Variants in LIFR observed in about 807,000 individuals in gnomAD.
The protein encoded by LIFR is LIF receptor subunit alpha.
A neutral mutation model predicts 122.2 loss-of-function variants in LIFR; 84 were observed. The observed-to-expected ratio is 0.69, with a 90% confidence interval of 0.58 to 0.82. The LOEUF (loss-of-function observed/expected upper bound fraction) is 0.82. Ranked by LOEUF, LIFR falls within the 40% of genes least tolerant of loss-of-function variation. The pLI is 0.00. For missense variants in LIFR, 1,294 were observed against 1,311.6 expected (o/e 0.99, Z 0.21); for synonymous variants, 422 against 434.7 (o/e 0.97, Z 0.36).
At chr5:38,501,195 A>C (rs1745157257) in intron 11 of LIFR, among the ~76,000 whole-genome samples, 1 of 152,200 alleles carries the variant, frequency 6.6e-6, no homozygotes. Flanking sequence ...TTTTAGGGTA[A>C]TTTGTTGCAC....
chr5:38,578,397 G>C (rs1233825976), intron 1 of LIFR, among the ~76,000 whole-genome samples: 2 of 149,788 alleles, frequency 1.3e-5, no homozygotes, highest in African/African-American at 4.9e-5. Context: ...GTAGAGACGG[G>C]GTTTCTCCAT....
chr5:38,529,774 G>A (rs1370436593), intron 2 of LIFR, among the ~76,000 whole-genome samples: 2 of 152,040 alleles, frequency 1.3e-5, no homozygotes, highest in African/African-American at 2.4e-5. Context: ...TGGTTGGTAC[G>A]ATATTCACTG....
At chr5:38,598,237 A>ATTTT (rs1750153328), upstream of LIFR, among the ~76,000 whole-genome samples, 2 of 26,824 alleles carry the variant, frequency 7.5e-5, no homozygotes, top group Non-Finnish European at 1.4e-4. Context: ...TTTTTTATTT[A>ATTTT]TTTATTTATT....
At chr5:38,527,108 GTGACACT>G in intron 4 of LIFR, 40 bp downstream of exon 4, 2 of 1,516,526 alleles carry the variant, frequency 1.3e-6, no homozygotes, top group Non-Finnish European at 1.8e-6. Context: ...ATACTAACAA[GTGACACT>G]TGACTTACTT....
At chr5:38,484,654 A>C in intron 18 of LIFR, 121 bp downstream of exon 18, 1 of 706,554 alleles carries the variant, frequency 1.4e-6, no homozygotes, top group South Asian at 1.6e-5. Context: ...TAATTAAAAC[A>C]TTTTTTAACT....
intron 1 of LIFR, among the ~76,000 whole-genome samples, chr5:38,578,289 G>A (rs549844830): frequency 3.0e-5 from 4 of 135,118 alleles, no homozygotes; most frequent in Non-Finnish European, 4.6e-5. Flanking sequence ...TCACCGCAAC[G>A]TCTGCCTCCC....
chr5:38,595,242 A>G (rs1452709395), intron 1 of LIFR: 1 of 157,682 alleles, frequency 6.3e-6, no homozygotes, highest in African/African-American at 2.4e-5. Context: ...GAAGGAAGCA[A>G]ACCCCAGCAG....
At position 38,476,027 on chromosome 5, in the gene LIFR, A is replaced by G. The variant is rs1172592882; in HGVS notation, c.*5568T>C. 5.0e-6 allele frequency: 1 copy of G among 199,432 alleles called. No homozygotes were observed. Among genetic ancestry groups the G allele is most frequent in the East Asian group, 7.8e-5 (1 of 12,886 alleles). 12.4% of individuals were successfully genotyped at this position (199,432 alleles called of 1,614,324 possible). On this transcript the variant is annotated 3_prime_UTR_variant, in exon 20 of 20. Coordinates refer to ENST00000453190, the MANE Select transcript of LIFR (RefSeq NM_001127671.2). ...TAACACCTACCCCTCCACAACAATG[A>G]AAGGTTTCTTTTTCGTGTTGTCTCC...
At chr5:38,501,502 C>T (rs771420190) in intron 11 of LIFR, among the ~76,000 whole-genome samples, 5 of 152,100 alleles carry the variant, frequency 3.3e-5, no homozygotes, top group Non-Finnish European at 5.9e-5. Flanking sequence ...GCCTGTAATC[C>T]CAGTACTTTG....
At chr5:38,516,878 TA>T (rs1746111547) in intron 5 of LIFR, among the ~76,000 whole-genome samples, 1 of 151,936 alleles carries the variant, frequency 6.6e-6, no homozygotes, top group Non-Finnish European at 1.5e-5. Context: ...TATGCAGCCA[TA>T]AAAAAGGATG....
In LIFR at chr5:38,481,228, A is replaced by C; in HGVS notation, c.*367T>G. 2.9e-6 allele frequency: 1 copy of C among 345,060 alleles called. No homozygotes were observed. Among genetic ancestry groups the C allele is most frequent in the Non-Finnish European group, 5.4e-6 (1 of 186,616 alleles). 21.4% of individuals were successfully genotyped at this position (345,060 alleles called of 1,614,324 possible). A position where few individuals can be genotyped will look rare whatever the true frequency, so the allele number is the denominator to read the frequency against. On this transcript the variant is annotated 3_prime_UTR_variant, in exon 20 of 20. Coordinates refer to ENST00000453190, the MANE Select transcript of LIFR (RefSeq NM_001127671.2). ...AAATCCACTTACAATTCCACCAAGT[A>C]TACACATGAGAAAACCACAAACAAC... is the stretch of plus-strand genomic sequence containing the variant.
At position 38,479,172 on chromosome 5, in the gene LIFR, G is replaced by A. The variant is rs1265014885; in HGVS notation, c.*2423C>T. 1 of 231,716 alleles carries A rather than the reference G, an allele frequency of 4.3e-6. No individual in the cohort carries two copies. Among genetic ancestry groups the A allele is most frequent in the Admixed American group, 5.6e-5 (1 of 17,732 alleles). 14.4% of individuals were successfully genotyped at this position (231,716 alleles called of 1,614,324 possible). A position where few individuals can be genotyped will look rare whatever the true frequency, so the allele number is the denominator to read the frequency against. On this transcript the variant is annotated 3_prime_UTR_variant, in exon 20 of 20. Transcript: ENST00000453190. Reference sequence around the variant, plus strand: ...ATCCTGGGATCTACACAAGGGTCTAGCTGTCTTGAATTCAATGAGGGAAAA... The same window carrying A: ...ATCCTGGGATCTACACAAGGGTCTAACTGTCTTGAATTCAATGAGGGAAAA...
In LIFR at chr5:38,607,470, C is replaced by G. The variant is rs558273594; in HGVS notation, n.203+682G>C. 3 of 152,186 alleles carry G rather than the reference C, an allele frequency of 2.0e-5. No homozygotes were observed. In the South Asian group the frequency reaches 6.2e-4, roughly 32 times the overall value. The allele number at this position is 152,186 out of a possible 1,614,324, so 9.4% of individuals were successfully genotyped here. ...AGCTCTCAAACTCCCATCTTCACTC[C>G]CAGCCTTCTGTTTTGCTCTCTCTCT... On this transcript the variant is annotated intron_variant and non_coding_transcript_variant, in intron 1 of 3. Coordinates refer to the LIFR transcript ENST00000507786.
intron 12 of LIFR, among the ~76,000 whole-genome samples, chr5:38,499,111 T>G (rs557807247): frequency 6.6e-6 from 1 of 152,308 alleles, no homozygotes; most frequent in South Asian, 2.1e-4. Context: ...ATAACTGGCA[T>G]GTTATAATGC....
At chr5:38,565,111 C>T (rs1002737225) in intron 1 of LIFR, among the ~76,000 whole-genome samples, 14 of 152,120 alleles carry the variant, frequency 9.2e-5, no homozygotes, top group African/African-American at 3.1e-4. Flanking sequence ...TGAAATTATA[C>T]TAGACTTATA....
At chr5:38,537,750 A>G (rs1239762536) in intron 1 of LIFR, among the ~76,000 whole-genome samples, 1 of 151,862 alleles carries the variant, frequency 6.6e-6, no homozygotes, top group Non-Finnish European at 1.5e-5. Flanking sequence ...GTTTATTGAT[A>G]ATTTGCAATG....
chr5:38,514,432 C>T lies in LIFR; in HGVS notation c.562-2468G>A, dbSNP rs114267018. On this transcript the variant is annotated intron_variant, in intron 5 of 19. Transcript: ENST00000453190. ...ACCCAGTTAAACTAGTAATCACGCA[C>T]GAGTGCAGAATAGACATTTTCATAA... 1.0e-3 allele frequency among the ~76,000 whole-genome samples: 158 copies of T among 152,274 alleles called. 1 individual carries two copies. Among genetic ancestry groups the T allele is most frequent in the African/African-American group, 3.4e-3 (143 of 41,550 alleles).
At chr5:38,570,854 C>T (rs1292242820) in intron 1 of LIFR, among the ~76,000 whole-genome samples, 1 of 152,124 alleles carries the variant, frequency 6.6e-6, no homozygotes, top group Non-Finnish European at 1.5e-5. Flanking sequence ...TAAAATTTAT[C>T]CTAGATTTGG....
At chr5:38,539,421 C>A (rs1747467053) in intron 1 of LIFR, among the ~76,000 whole-genome samples, 1 of 152,094 alleles carries the variant, frequency 6.6e-6, no homozygotes, top group African/African-American at 2.4e-5. Context: ...AAGATCAGAG[C>A]CTTATCTTTG....
Sources: allele counts gnomAD v4.1 joint callset (sites outside exome capture counted in the v4.1 genomes callset), GRCh38; gene constraint gnomAD v4.1.1; transcripts MANE v1.5; gene names NCBI Gene and HGNC (gene_info 2026-07-23, HGNC 2026-07-21).